The following SLC16A9 variants were observed in gnomAD, a reference collection of about 807,000 sequenced individuals.
SLC16A9 encodes solute carrier family 16 member 9, also known as monocarboxylate transporter 9.
A neutral mutation model predicts 44.3 loss-of-function variants in SLC16A9; 26 were observed. The ratio of observed to expected loss-of-function variants is 0.59; its 90% CI spans 0.43 to 0.81. The LOEUF (loss-of-function observed/expected upper bound fraction) is 0.81. Ranked by LOEUF, SLC16A9 falls within the 40% of genes least tolerant of loss-of-function variation. The pLI is 0.00. For missense variants in SLC16A9, 559 were observed against 595.8 expected (o/e 0.94, Z 0.64); for synonymous variants, 230 against 225.1 (o/e 1.02, Z -0.19).
intron 1 of SLC16A9, among the ~76,000 whole-genome samples, chr10:59,687,393 A>G (rs987825272): frequency 6.6e-6 from 1 of 152,078 alleles, no homozygotes; most frequent in Non-Finnish European, 1.5e-5. Flanking sequence ...TATATTTTTG[A>G]GTGTTATTAT....
At chr10:59,672,712 G>A (rs758897638) in intron 3 of SLC16A9, 58 bp downstream of exon 3, 528 of 1,495,348 alleles carry the variant, frequency 3.5e-4, no homozygotes, top group Non-Finnish European at 4.5e-4. Flanking sequence ...ACCTGGCACT[G>A]GTGAAATGAT....
chr10:59,698,640 C>CAAGAA (rs1386971630), intron 1 of SLC16A9, among the ~76,000 whole-genome samples: 1 of 152,184 alleles, frequency 6.6e-6, no homozygotes, highest in Non-Finnish European at 1.5e-5. Flanking sequence ...GGAGCAGCTC[C>CAAGAA]AAGAACCTCT....
intron 1 of SLC16A9, among the ~76,000 whole-genome samples, chr10:59,693,663 A>G (rs1280839693): frequency 6.6e-6 from 1 of 152,146 alleles, no homozygotes; most frequent in Admixed American, 6.5e-5. Flanking sequence ...TCTTTCGCCC[A>G]GGCTGGAGTG....
chr10:59,650,831 A>C lies in SLC16A9; in HGVS notation c.*1941T>G, dbSNP rs1314710429. 1 of 152,210 alleles carries C rather than the reference A, an allele frequency of 6.6e-6. No homozygotes were observed. The highest frequency in any genetic ancestry group is 2.4e-5 in the African/African-American group (1 of 41,440). The allele number at this position is 152,210 out of a possible 1,614,324, so 9.4% of individuals were successfully genotyped here. Reference sequence around the variant, plus strand: ...CCCCTAGACAACAGATAACGCCCACATTGGATGTTATTTAGCAGACATAGT... The same window carrying C: ...CCCCTAGACAACAGATAACGCCCACCTTGGATGTTATTTAGCAGACATAGT... On this transcript the variant is annotated 3_prime_UTR_variant, in exon 6 of 6. Transcript: ENST00000395348.
At chr10:59,672,317 G>A (rs887122104) in intron 3 of SLC16A9, among the ~76,000 whole-genome samples, 2 of 152,074 alleles carry the variant, frequency 1.3e-5, no homozygotes, top group African/African-American at 2.4e-5. Context: ...TACTTGTGCT[G>A]TGGCTTTTCA....
Position 59,681,707 on chromosome 10 carries a change from TGTATATGTATATG to T in SLC16A9, c.196+2376_196+2388del, listed in dbSNP as rs1464110239. 1.0e-3 allele frequency among the ~76,000 whole-genome samples: 36 copies of T among 34,820 alleles called. 8 individuals are homozygous for T. Among genetic ancestry groups the T allele is most frequent in the African/African-American group, 3.4e-3 (34 of 10,088 alleles). 22.8% of individuals were successfully genotyped at this position (34,820 alleles called of 152,430 possible). A position where few individuals can be genotyped will look rare whatever the true frequency, so the allele number is the denominator to read the frequency against. ...ATGTATATGTATATATATATGTATA[TGTATATGTATATG>T]ATGTATATGTATATGTATATGATGT... is the stretch of plus-strand genomic sequence containing the variant. On this transcript the variant is annotated intron_variant, in intron 2 of 5. Coordinates refer to ENST00000395348, the MANE Select transcript of SLC16A9 (RefSeq NM_194298.3).
chr10:59,679,476 G>A (rs555325399), intron 2 of SLC16A9, among the ~76,000 whole-genome samples: 1 of 152,266 alleles, frequency 6.6e-6, no homozygotes, highest in South Asian at 2.1e-4. Flanking sequence ...ATTAGGAAGG[G>A]CATGTTGGAA....
At chr10:59,696,349 G>T (rs7917764) in intron 1 of SLC16A9, among the ~76,000 whole-genome samples, 1 of 152,218 alleles carries the variant, frequency 6.6e-6, no homozygotes, top group African/African-American at 2.4e-5. Flanking sequence ...CGAGTGATCC[G>T]CCAGCCTCGG....
chr10:59,652,786 C>A lies in SLC16A9; in HGVS notation c.1516G>T (p.Ala506Ser). ...CCAATATTCTTCTAAACATTAGAGG[C>A]AACTTTGTACAAGAAAGTTGTTGGA... ...PAPTTFLYKV[A>S]SNV Residue 506 changes from alanine to serine, a missense_variant, in exon 6 of 6, where the codon GCC (alanine) becomes TCC (serine). Physicochemically the swap from Ala to Ser is moderately conservative, Grantham distance 99 (BLOSUM62 1). Coordinates refer to ENST00000395348, the MANE Select transcript of SLC16A9 (RefSeq NM_194298.3). 6.2e-7 allele frequency: 1 copy of A among 1,610,442 alleles called. No homozygotes were observed. The highest frequency in any genetic ancestry group is 8.5e-7 in the Non-Finnish European group (1 of 1,178,920).
chr10:59,696,979 G>A (rs1840401662), intron 1 of SLC16A9, among the ~76,000 whole-genome samples: 1 of 131,300 alleles, frequency 7.6e-6, no homozygotes, highest in Admixed American at 7.3e-5. Flanking sequence ...CAGAAGGGAG[G>A]TGGGGGGGTC....
Position 59,690,827 on chromosome 10 carries a change from T to C in SLC16A9, c.-36-6500A>G, listed in dbSNP as rs1172249675. ...GGCCAGGCAGGGTGGCTCACACCTATAATCTCAGCACTCTGGGAGGCCGAA... is the reference window on the plus strand; with the variant it reads ...GGCCAGGCAGGGTGGCTCACACCTACAATCTCAGCACTCTGGGAGGCCGAA... On this transcript the variant is annotated intron_variant, in intron 1 of 5. Transcript: ENST00000395348. Among the ~76,000 whole-genome samples, 9 of 151,978 alleles carry C rather than the reference T, an allele frequency of 5.9e-5. No homozygotes were observed. In the East Asian group the frequency reaches 7.7e-4, roughly 13 times the overall value.
In SLC16A9 at chr10:59,652,517, A is replaced by C; in HGVS notation, c.*255T>G. The C allele has an allele frequency of 3.3e-6, 1 of 307,526 alleles. No individual in the cohort carries two copies. The highest frequency in any genetic ancestry group is 5.9e-6 in the Non-Finnish European group (1 of 169,972). 19.0% of individuals were successfully genotyped at this position (307,526 alleles called of 1,614,324 possible). ...CAAACTTTTTACAATGTTAAGAACT[A>C]GTGAATAACAGCAAAACAGAATAGT... On this transcript the variant is annotated 3_prime_UTR_variant, in exon 6 of 6. Transcript: ENST00000395348.
In SLC16A9 at chr10:59,658,691, G is replaced by A. The variant is rs764227948; in HGVS notation, c.437-4102C>T. On this transcript the variant is annotated intron_variant, in intron 4 of 5. Coordinates refer to ENST00000395348, the MANE Select transcript of SLC16A9 (RefSeq NM_194298.3). ...CTGCAAACTGCATTCCAACTACTCT[G>A]GATTCCCCATCTTCTGTTTTTGCAT... 1.2e-4 allele frequency among the ~76,000 whole-genome samples: 19 copies of A among 152,248 alleles called. No homozygotes were observed. In the South Asian group the frequency reaches 1.9e-3, roughly 15 times the overall value.
chr10:59,653,453 T>C (rs1012616442), intron 5 of SLC16A9, among the ~76,000 whole-genome samples: 1 of 56,722 alleles, frequency 1.8e-5, no homozygotes, highest in African/African-American at 4.8e-5. Flanking sequence ...AAAGCAGGCA[T>C]TTTGAGTTTC....
chr10:59,654,147 G>A lies in SLC16A9; in HGVS notation c.879C>T (p.Tyr293=), dbSNP rs1839288857. The A allele has an allele frequency of 6.2e-7, 1 of 1,614,142 alleles. No homozygotes were observed. The highest frequency in any genetic ancestry group is 2.2e-5 in the East Asian group (1 of 44,874). ...TAAAAAGAGCCACAGTTTCACCACAGTAGTTTTTATATAACTGCCACTTCC... is the reference window on the plus strand; with the variant it reads ...TAAAAAGAGCCACAGTTTCACCACAATAGTTTTTATATAACTGCCACTTCC... The part of the protein sequence containing the change: ...AKRKWQLYKN[Y]CGETVALFKN... Residue 293 remains tyrosine, a synonymous_variant, in exon 5 of 6, where the codon TAC becomes TAT. Transcript: ENST00000395348.
chr10:59,689,414 C>CT (rs1840205807), intron 1 of SLC16A9, among the ~76,000 whole-genome samples: 2 of 152,262 alleles, frequency 1.3e-5, no homozygotes, highest in Non-Finnish European at 2.9e-5. Flanking sequence ...GCTTGTGGGA[C>CT]TGTTAATTAA....
chr10:59,685,086 A>G (rs894037939), intron 1 of SLC16A9, among the ~76,000 whole-genome samples: 1 of 152,336 alleles, frequency 6.6e-6, no homozygotes, highest in South Asian at 2.1e-4. Context: ...ATGCATTTAT[A>G]AGCAAAACCA....
intron 1 of SLC16A9, among the ~76,000 whole-genome samples, chr10:59,704,791 T>C (rs1365851107): frequency 1.3e-5 from 2 of 152,234 alleles, no homozygotes; most frequent in African/African-American, 2.4e-5. Flanking sequence ...AAGAAATCTA[T>C]GATAATAACA....
intron 2 of SLC16A9, among the ~76,000 whole-genome samples, chr10:59,673,342 T>A (rs1312465378): frequency 6.6e-6 from 1 of 152,174 alleles, no homozygotes; most frequent in Admixed American, 6.5e-5. Flanking sequence ...GAGGCAAAAG[T>A]GACCATCACC....
Sources: gnomAD v4.1 joint callset for allele counts (sites outside exome capture counted in the v4.1 genomes callset) on GRCh38, gnomAD v4.1.1 for gene constraint, MANE v1.5 for transcripts, NCBI Gene and HGNC (gene_info 2026-07-23, HGNC 2026-07-21) for gene names.